SEMA3D: variants seen among roughly 807,000 people sequenced by gnomAD.
The protein encoded by SEMA3D is semaphorin 3D, also known as semaphorin-3D.
Under a neutral mutation model 100.1 loss-of-function variants are expected in SEMA3D, and 84 were observed. That is an observed-to-expected ratio of 0.84 (90% CI 0.70 to 1.01). The LOEUF is 1.01. SEMA3D is among the 50% of genes least tolerant of loss of function. The probability of loss-of-function intolerance (pLI) is 0.00; values close to 1 mark genes in which losing one functional copy is unlikely to be tolerated. For synonymous variants in SEMA3D, 312 were observed against 320.7 expected, an observed-to-expected ratio of 0.97 and a Z score of 0.29; for missense variants, 875 against 934.1, an observed-to-expected ratio of 0.94 and a Z score of 0.82.
chr7:85,207,040 A>G, the SEMA3D span, among the ~76,000 whole-genome samples: 1 of 152,134 alleles, frequency 6.6e-6, no homozygotes, highest in Non-Finnish European at 1.5e-5. Flanking sequence ...AAAGAGATTT[A>G]TGGCATGGAA....
chr7:85,117,427 A>C (rs765255075), intron 3 of SEMA3D, among the ~76,000 whole-genome samples: 12 of 152,184 alleles, frequency 7.9e-5, no homozygotes, highest in Admixed American at 2.0e-4. Flanking sequence ...TATCCAAATT[A>C]CATTTTGGTT....
chr7:85,218,190 A>G, the SEMA3D span, among the ~76,000 whole-genome samples: 4 of 152,068 alleles, frequency 2.6e-5, no homozygotes, highest in African/African-American at 9.7e-5. Context: ...ATGTCCTTTA[A>G]TTGGATAAAA....
At chr7:85,094,140 G>A (rs1259876643) in intron 4 of SEMA3D, among the ~76,000 whole-genome samples, 1 of 152,054 alleles carries the variant, frequency 6.6e-6, no homozygotes, top group African/African-American at 2.4e-5. Context: ...AGAGGGTGGG[G>A]AGAGAGAAGC....
the SEMA3D span, among the ~76,000 whole-genome samples, chr7:85,201,547 AG>A: frequency 6.6e-6 from 1 of 152,110 alleles, no homozygotes; most frequent in Non-Finnish European, 1.5e-5. Context: ...TAGAGATTTT[AG>A]TAATTTATAT....
At chr7:85,210,967 A>G in the SEMA3D span, among the ~76,000 whole-genome samples, 14 of 152,168 alleles carry the variant, frequency 9.2e-5, no homozygotes, top group South Asian at 8.3e-4. Flanking sequence ...ACAATATTGT[A>G]GATGCTGGAG....
intron 3 of SEMA3D, among the ~76,000 whole-genome samples, chr7:85,112,295 A>T (rs527893561): frequency 6.6e-6 from 1 of 152,300 alleles, no homozygotes; most frequent in South Asian, 2.1e-4. Flanking sequence ...TTCTGATTAA[A>T]CAAAGAACCA....
the SEMA3D span, among the ~76,000 whole-genome samples, chr7:85,194,486 C>T: frequency 1.5e-5 from 2 of 129,134 alleles, no homozygotes; most frequent in East Asian, 2.6e-4. Context: ...TTTCTTTTGA[C>T]TGTTGATATG....
At chr7:85,150,931 GACAA>G (rs2116490133) in intron 2 of SEMA3D, among the ~76,000 whole-genome samples, 1 of 152,034 alleles carries the variant, frequency 6.6e-6, no homozygotes, top group African/African-American at 2.4e-5. Context: ...GTAAATGTTA[GACAA>G]ACAAAATAAT....
the SEMA3D span, among the ~76,000 whole-genome samples, chr7:85,216,460 T>A: frequency 2.6e-5 from 4 of 151,936 alleles, no homozygotes; most frequent in African/African-American, 4.8e-5. Context: ...ACACACAATA[T>A]TTAAAAGCAT....
chr7:85,179,730 C>T (rs1018167548), intron 1 of SEMA3D, among the ~76,000 whole-genome samples: 7 of 150,922 alleles, frequency 4.6e-5, no homozygotes, highest in African/African-American at 7.3e-5. Flanking sequence ...GGTGCTATCT[C>T]GGCTCACTGC....
the SEMA3D span, among the ~76,000 whole-genome samples, chr7:85,204,457 T>C: frequency 6.6e-6 from 1 of 152,046 alleles, no homozygotes; most frequent in African/African-American, 2.4e-5. Flanking sequence ...AGCTTTTAAC[T>C]GGCAGTTAGT....
intron 2 of SEMA3D, chr7:85,140,572 TTTATC>T: frequency 1.0e-6 from 1 of 965,602 alleles, no homozygotes; most frequent in Non-Finnish European, 1.2e-6. Context: ...ATAGCAGAGT[TTTATC>T]TATATCTATA....
intron 12 of SEMA3D, among the ~76,000 whole-genome samples, chr7:85,025,111 T>A (rs1584532088): frequency 6.6e-6 from 1 of 152,100 alleles, no homozygotes; most frequent in East Asian, 1.9e-4. Flanking sequence ...TACTTTTAAT[T>A]TCTAGGTATT....
At chr7:85,232,892 T>C in the SEMA3D span, among the ~76,000 whole-genome samples, 1 of 152,218 alleles carries the variant, frequency 6.6e-6, no homozygotes, top group African/African-American at 2.4e-5. Flanking sequence ...CATGCGTTTA[T>C]ATGCCTGGCC....
chr7:85,196,917 C>T, the SEMA3D span, among the ~76,000 whole-genome samples: 1 of 152,114 alleles, frequency 6.6e-6, no homozygotes, highest in African/African-American at 2.4e-5. Context: ...TTGGAAAACC[C>T]TGAGGACTAA....
chr7:85,148,859 T>C (rs1446190005), intron 2 of SEMA3D, among the ~76,000 whole-genome samples: 1 of 152,152 alleles, frequency 6.6e-6, no homozygotes, highest in African/African-American at 2.4e-5. Context: ...CAGTGCTATA[T>C]AAACATTTAT....
At chr7:85,058,546 G>A (rs1436648720) in intron 8 of SEMA3D, among the ~76,000 whole-genome samples, 2 of 152,028 alleles carry the variant, frequency 1.3e-5, no homozygotes, top group African/African-American at 2.4e-5. Flanking sequence ...AAGAGATAGA[G>A]ACCATCCTGG....
chr7:85,223,867 AT>A, the SEMA3D span, among the ~76,000 whole-genome samples: 7 of 151,980 alleles, frequency 4.6e-5, no homozygotes, highest in Non-Finnish European at 8.8e-5. Flanking sequence ...TAATGAACTT[AT>A]CCGTGTAACC....
the SEMA3D span, among the ~76,000 whole-genome samples, chr7:85,250,182 C>T: frequency 1.3e-4 from 20 of 150,744 alleles, no homozygotes; most frequent in East Asian, 2.0e-4. Flanking sequence ...TGGCGCACCA[C>T]GAGATTATAA....
Sources: allele counts gnomAD v4.1 joint callset (sites outside exome capture counted in the v4.1 genomes callset), GRCh38; gene constraint gnomAD v4.1.1; transcripts MANE v1.5; gene names NCBI Gene and HGNC (gene_info 2026-07-23, HGNC 2026-07-21).